Variants in NCOA5 observed in about 807,000 individuals in gnomAD.
The protein encoded by NCOA5 is NCoA-5.
A neutral mutation model predicts 59.0 loss-of-function variants in NCOA5; 12 were observed. The ratio of observed to expected loss-of-function variants is 0.20; its 90% CI spans 0.13 to 0.33. NCOA5 has a LOEUF of 0.33. NCOA5 is among the 10% of genes least tolerant of loss of function. The pLI, the probability that NCOA5 is intolerant of heterozygous loss-of-function variation, is 1.00. For synonymous variants in NCOA5, 270 were observed against 275.5 expected (o/e 0.98, Z 0.20); for missense variants, 655 against 766.6 (o/e 0.85, Z 1.72).
At chr20:46,077,317 T>C (rs2084948242) in intron 2 of NCOA5, among the ~76,000 whole-genome samples, 1 of 152,202 alleles carries the variant, frequency 6.6e-6, no homozygotes, top group African/African-American at 2.4e-5. Flanking sequence ...GGTAAATTAA[T>C]ATTTTTAATT....
intron 2 of NCOA5, among the ~76,000 whole-genome samples, chr20:46,072,050 G>A (rs777556270): frequency 6.6e-6 from 1 of 152,128 alleles, no homozygotes; most frequent in Admixed American, 6.5e-5. Context: ...CTCAAGCCAC[G>A]AAACTGGATG....
At chr20:46,065,350 G>A in intron 5 of NCOA5, 122 bp from the exon 6 acceptor site, 1 of 893,496 alleles carries the variant, frequency 1.1e-6, no homozygotes, top group Non-Finnish European at 1.8e-6. Context: ...ACCGTATTCA[G>A]GATCCAAGTA....
intron 1 of NCOA5, among the ~76,000 whole-genome samples, chr20:46,089,248 G>A (rs953202688): frequency 1.3e-5 from 2 of 152,150 alleles, no homozygotes; most frequent in African/African-American, 2.4e-5. Flanking sequence ...TGGGCCCGAG[G>A]TCCGCGCCTA....
chr20:46,073,346 A>C (rs935747480), intron 2 of NCOA5, among the ~76,000 whole-genome samples: 4 of 152,248 alleles, frequency 2.6e-5, no homozygotes, highest in African/African-American at 9.6e-5. Context: ...CTGACTTGTG[A>C]GAGCAAACAT....
chr20:46,075,647 C>T (rs551162030), intron 2 of NCOA5, among the ~76,000 whole-genome samples: 25 of 152,252 alleles, frequency 1.6e-4, no homozygotes, highest in African/African-American at 4.6e-4. Context: ...TACCTAGAGG[C>T]CACATCTGCA....
intron 2 of NCOA5, among the ~76,000 whole-genome samples, chr20:46,076,733 G>A (rs1168767318): frequency 1.3e-5 from 2 of 151,930 alleles, no homozygotes; most frequent in African/African-American, 4.8e-5. Context: ...ATCACCAAGG[G>A]GAAGATGGAT....
At position 46,089,937 on chromosome 20, in the gene NCOA5, G is replaced by C. The variant is rs1157850895; in HGVS notation, c.-150C>G. On this transcript the variant is annotated 5_prime_UTR_variant, in exon 1 of 8. Transcript: ENST00000290231. ...GCCACCAACCGACCGGCGCGGGCAC[G>C]AGGCAATGGCGGCCGGGCGGAGAGT... 1 of 152,244 alleles carries C rather than the reference G, an allele frequency of 6.6e-6. No individual in the cohort carries two copies. Among genetic ancestry groups the C allele is most frequent in the African/African-American group, 2.4e-5 (1 of 41,466 alleles). 9.4% of individuals were successfully genotyped at this position (152,244 alleles called of 1,614,324 possible). A position where few individuals can be genotyped will look rare whatever the true frequency, so the allele number is the denominator to read the frequency against.
chr20:46,074,238 A>C (rs969934374), intron 2 of NCOA5, among the ~76,000 whole-genome samples: 10 of 152,224 alleles, frequency 6.6e-5, no homozygotes, highest in Admixed American at 3.3e-4. Flanking sequence ...TTTTCAAAAC[A>C]AGACTACAGC....
At position 46,062,615 on chromosome 20, in the gene NCOA5, T is replaced by G. The variant is rs763308560; in HGVS notation, c.1425A>C (p.Gln475His). The G allele has an allele frequency of 6.2e-6, 10 of 1,614,032 alleles. No individual in the cohort carries two copies. The Admixed American group carries it at 1.7e-4, about 27-fold the overall frequency. Reference sequence around the variant, plus strand: ...GCTGATTGCCAGAAGCCTGTGATCTTTGTTGAGGCTGGCTGTTTGCTGCTG... The same window carrying G: ...GCTGATTGCCAGAAGCCTGTGATCTGTGTTGAGGCTGGCTGTTTGCTGCTG... The part of the protein sequence containing the change: ...FSTAANSQPQ[Q>H]RSQASGNQPP... The change falls in exon 8 of 8, where the codon CAA (glutamine) becomes CAC (histidine). Residue 475 changes from glutamine to histidine, a missense_variant. Physicochemically the swap from Gln to His is conservative, Grantham distance 24. Around this residue, in one of 3 missense-constraint regions of NCOA5, gnomAD observed 325 missense variants for 353.2 expected, o/e 0.92. Transcript: ENST00000290231.
At chr20:46,073,343 G>A (rs1402025338) in intron 2 of NCOA5, among the ~76,000 whole-genome samples, 1 of 152,196 alleles carries the variant, frequency 6.6e-6, no homozygotes, top group Admixed American at 6.5e-5. Flanking sequence ...TTCCTGACTT[G>A]TGAGAGCAAA....
chr20:46,068,866 G>T (rs2084851915), intron 3 of NCOA5, among the ~76,000 whole-genome samples: 1 of 152,156 alleles, frequency 6.6e-6, no homozygotes, highest in African/African-American at 2.4e-5. Context: ...AGGAATTATT[G>T]ATACTAGTTT....
At chr20:46,076,772 GT>G (rs1174889307) in intron 2 of NCOA5, among the ~76,000 whole-genome samples, 3 of 152,110 alleles carry the variant, frequency 2.0e-5, no homozygotes, top group African/African-American at 7.2e-5. Context: ...TAGCCTAGCT[GT>G]CCCTCCTGTT....
chr20:46,089,530 G>A lies in NCOA5; in HGVS notation c.-30+287C>T, dbSNP rs940210961. The stretch of plus-strand genomic sequence containing the variant: ...CCTTGAGGACTCCTAGTGACCGACC[G>A]TTCGTGCACAGACAGGCGGCTGCGA... On this transcript the variant is annotated intron_variant, in intron 1 of 7. Transcript: ENST00000290231. Among the ~76,000 whole-genome samples, 10 of 152,326 alleles carry A rather than the reference G, an allele frequency of 6.6e-5. No individual in the cohort carries two copies. In the South Asian group the frequency reaches 1.4e-3, roughly 22 times the overall value.
intron 1 of NCOA5, among the ~76,000 whole-genome samples, chr20:46,084,122 A>C (rs2085022456): frequency 6.6e-6 from 1 of 152,220 alleles, no homozygotes; most frequent in Admixed American, 6.5e-5. Context: ...TGTACTAAGA[A>C]CATTATGTGT....
At chr20:46,064,359 G>A (rs2084798897) in intron 6 of NCOA5, among the ~76,000 whole-genome samples, 1 of 152,236 alleles carries the variant, frequency 6.6e-6, no homozygotes, top group Non-Finnish European at 1.5e-5. Flanking sequence ...GGTTAAGTCT[G>A]TGCTGTAAGA....
intron 6 of NCOA5, among the ~76,000 whole-genome samples, chr20:46,064,269 C>T (rs2084798079): frequency 6.6e-6 from 1 of 152,198 alleles, no homozygotes; most frequent in Non-Finnish European, 1.5e-5. Context: ...ACAAATGACC[C>T]ACTGGAGATC....
At chr20:46,079,602 G>C in intron 1 of NCOA5, 149 bp from the exon 2 acceptor site, 1 of 654,622 alleles carries the variant, frequency 1.5e-6, no homozygotes, top group Non-Finnish European at 2.7e-6. Context: ...ACTGTCACTT[G>C]GGCAATTTTT....
chr20:46,066,504 C>T (rs1269925857), intron 5 of NCOA5, among the ~76,000 whole-genome samples: 1 of 152,192 alleles, frequency 6.6e-6, no homozygotes, highest in East Asian at 1.9e-4. Context: ...AGGGCTAATC[C>T]CACCTCTAGC....
intron 4 of NCOA5, 88 bp from the exon 5 acceptor site, chr20:46,067,269 C>T: frequency 2.1e-6 from 3 of 1,445,842 alleles, no homozygotes; most frequent in Non-Finnish European, 1.9e-6. Context: ...TCATAATACT[C>T]TGAATCAATC....
Sources: allele counts gnomAD v4.1 joint callset (sites outside exome capture counted in the v4.1 genomes callset), GRCh38; gene constraint gnomAD v4.1.1; regional missense constraint gnomAD v4.1.1; transcripts MANE v1.5; gene names NCBI Gene and HGNC (gene_info 2026-07-23, HGNC 2026-07-21).